Variants in TRPM4 observed in about 807,000 individuals in gnomAD.
The protein encoded by TRPM4 is transient receptor potential cation channel subfamily M member 4.
TRPM4 carries 124 observed loss-of-function variants against 135.6 expected under a neutral mutation model. The observed-to-expected ratio is 0.91, with a 90% CI of 0.79 to 1.06. TRPM4 has a LOEUF of 1.06. TRPM4 is among the 50% of genes least tolerant of loss of function. The pLI is 0.00. For synonymous variants in TRPM4, 745 were observed against 705.6 expected (o/e 1.06, Z -0.88); for missense variants, 1,658 against 1,671.4 (o/e 0.99, Z 0.14).
chr19:49,162,734 G>A (rs1199832719), intron 2 of TRPM4, among the ~76,000 whole-genome samples: 1 of 152,078 alleles, frequency 6.6e-6, no homozygotes, highest in Non-Finnish European at 1.5e-5. Flanking sequence ...GGGCTACTGG[G>A]CACTTGGAAT....
rs141531245 is a variant in TRPM4, at chr19:49,172,077, C to A, written c.1119C>A (p.Phe373Leu). The change falls in exon 9 of 25, where the codon TTC becomes TTA. Residue 373 changes from phenylalanine (F) to leucine (L), a missense_variant. This residue lies in a region of TRPM4 where 1,412 missense variants were observed against 1,408.7 expected (regional missense o/e 1.00). Coordinates refer to ENST00000252826, the MANE Select transcript of TRPM4 (RefSeq NM_017636.4). The part of the protein sequence containing the change: ...VYSSEDGSEE[F>L]ETIVLKALVK... The stretch of plus-strand genomic sequence containing the variant: ...CTTCTGAGGATGGGTCTGAGGAATT[C>A]GAGACCATAGTTTTGAAGGCCCTTG... 4.7e-5 allele frequency: 76 copies of A among 1,613,796 alleles called. No individual in the cohort carries two copies. The African/African-American group carries it at 9.9e-4, about 21-fold the overall frequency.
At chr19:49,206,675 G>A (rs1057085187) in intron 20 of TRPM4, among the ~76,000 whole-genome samples, 1 of 152,112 alleles carries the variant, frequency 6.6e-6, no homozygotes, top group Non-Finnish European at 1.5e-5. Flanking sequence ...CCGACCTCAG[G>A]TGATCCACCC....
In TRPM4 at chr19:49,157,842, A is replaced by G; in HGVS notation, c.-25A>G. The G allele has an allele frequency of 6.5e-7, 1 of 1,534,532 alleles. No homozygotes were observed. The highest frequency in any genetic ancestry group is 8.7e-7 in the Non-Finnish European group (1 of 1,146,168). ...AGGGAGCGCCGGGGCCCTGGGCTGCAGGAGGTTGCGGCGGCCGCGGCAGCA... is the reference window on the plus strand; with the variant it reads ...AGGGAGCGCCGGGGCCCTGGGCTGCGGGAGGTTGCGGCGGCCGCGGCAGCA... On this transcript the variant is annotated 5_prime_UTR_variant, in exon 1 of 25. Transcript: ENST00000252826.
At position 49,196,775 on chromosome 19, in the gene TRPM4, A is replaced by C. The variant is rs572920924; in HGVS notation, c.2546A>C (p.His849Pro). 1.1e-5 allele frequency: 17 copies of C among 1,566,494 alleles called. No homozygotes were observed. Among genetic ancestry groups the C allele is most frequent in the Non-Finnish European group, 1.5e-5 (17 of 1,163,926 alleles). Residue 849 changes from histidine (H) to proline (P), a missense_variant, in exon 17 of 25, where the codon CAT becomes CCT. Physicochemically the swap from His to Pro is moderately conservative, Grantham distance 77. Transcript: ENST00000252826. The stretch of plus-strand genomic sequence containing the variant: ...GCCAGCGGGGGCCCCGGGCCTGGCC[A>C]TGCCTCACTGAGCCAGCGCCTGCGC... Reference protein sequence around the residue: ...SLASGGPGPGHASLSQRLRLY... With the variant: ...SLASGGPGPGPASLSQRLRLY...
At chr19:49,165,949 C>T in intron 2 of TRPM4, 92 bp from the exon 3 acceptor site, 4 of 1,322,120 alleles carry the variant, frequency 3.0e-6, no homozygotes, top group Non-Finnish European at 3.1e-6. Flanking sequence ...GACTCAGTGT[C>T]GACAGCCCCC....
intron 12 of TRPM4, among the ~76,000 whole-genome samples, chr19:49,186,047 A>G (rs1177823): frequency 0.87 from 132,270 of 152,192 alleles, 58,026 homozygotes; most frequent in African/African-American, 0.95. Context: ...CACCGCGCCC[A>G]CCCTGTTTAG....
chr19:49,162,403 G>A (rs934314631), intron 2 of TRPM4, among the ~76,000 whole-genome samples: 2 of 152,074 alleles, frequency 1.3e-5, no homozygotes, highest in Non-Finnish European at 2.9e-5. Context: ...GCCAGGTACT[G>A]TGGCACATGC....
chr19:49,196,391 C>T, intron 16 of TRPM4, 49 bp from the exon 17 acceptor site: 1 of 1,473,622 alleles, frequency 6.8e-7, no homozygotes, highest in South Asian at 1.4e-5. Flanking sequence ...GAGATCAGGA[C>T]TCAGAGGTCA....
chr19:49,176,719 C>T (rs184882467), intron 9 of TRPM4, among the ~76,000 whole-genome samples: 3 of 152,224 alleles, frequency 2.0e-5, no homozygotes, highest in Admixed American at 6.5e-5. Flanking sequence ...GGCGTGGTGG[C>T]GGGTGCCTGT....
At chr19:49,186,879 A>G (rs535736978) in intron 12 of TRPM4, among the ~76,000 whole-genome samples, 49 of 148,238 alleles carry the variant, frequency 3.3e-4, no homozygotes, top group African/African-American at 1.3e-3. Context: ...GTCTCAAAAA[A>G]AAAAAAAAAG....
In TRPM4 at chr19:49,193,837, C is replaced by G. The variant is rs1194769765; in HGVS notation, c.2211-2603C>G. On this transcript the variant is annotated intron_variant, in intron 16 of 24. Coordinates refer to ENST00000252826, the MANE Select transcript of TRPM4 (RefSeq NM_017636.4). ...GAGTTCTTAGTTTCTGTAGCTTTCACTATTCTCCTCCTTCTCCTCCTCCTT... is the reference window on the plus strand; with the variant it reads ...GAGTTCTTAGTTTCTGTAGCTTTCAGTATTCTCCTCCTTCTCCTCCTCCTT... Among the ~76,000 whole-genome samples the G allele has an allele frequency of 2.6e-5, 4 of 152,184 alleles. No homozygotes were observed. In the East Asian group the frequency reaches 5.8e-4, roughly 22 times the overall value.
At chr19:49,185,434 T>A (rs568550908) in intron 12 of TRPM4, among the ~76,000 whole-genome samples, 1 of 152,150 alleles carries the variant, frequency 6.6e-6, no homozygotes, top group South Asian at 2.1e-4. Context: ...AGAGATGGGG[T>A]CTTACTATGT....
rs775287212 is a variant in TRPM4, at chr19:49,166,267, G to C, written c.267+52G>C. ...CCGGGCACCAGGGGGCTGCATGCTC[G>C]GGGCTCCAGAGTGGAGCCGGGACGC... is the stretch of plus-strand genomic sequence containing the variant. On this transcript the variant is annotated intron_variant, in intron 3 of 24. Coordinates refer to ENST00000252826, the MANE Select transcript of TRPM4 (RefSeq NM_017636.4). 30 of 1,531,460 alleles carry C rather than the reference G, an allele frequency of 2.0e-5. No homozygotes were observed. The East Asian group carries it at 6.2e-4, about 32-fold the overall frequency. The allele number at this position is 1,531,460 out of a possible 1,614,324, so 94.9% of individuals were successfully genotyped here.
intron 2 of TRPM4, among the ~76,000 whole-genome samples, chr19:49,162,448 A>G (rs774760312): frequency 7.2e-5 from 11 of 152,138 alleles, no homozygotes; most frequent in Non-Finnish European, 1.5e-4. Flanking sequence ...CTGAGGCACG[A>G]GAGTCGCTTG....
intron 20 of TRPM4, among the ~76,000 whole-genome samples, chr19:49,204,794 T>A (rs999653979): frequency 6.6e-6 from 1 of 151,532 alleles, no homozygotes; most frequent in Non-Finnish European, 1.5e-5. Context: ...CTCCTGACCT[T>A]GTGATCCACC....
At position 49,211,052 on chromosome 19, in the gene TRPM4, G is replaced by A. The variant is rs1262594472; in HGVS notation, c.3499G>A (p.Glu1167Lys). 3 of 1,614,038 alleles carry A rather than the reference G, an allele frequency of 1.9e-6. No individual in the cohort carries two copies. The highest frequency in any genetic ancestry group is 4.5e-5 in the East Asian group (2 of 44,886). The stretch of plus-strand genomic sequence containing the variant: ...ACTGAAACAGCTGGGACACATCCGC[G>A]AGTACGAACAGCGCCTGAAAGTGCT... ...LALKQLGHIR[E>K]YEQRLKVLER... The change falls in exon 23 of 25, where the codon GAG becomes AAG. Residue 1167 changes from glutamate to lysine, a missense_variant. Physicochemically the swap from Glu to Lys is moderately conservative, Grantham distance 56. This residue lies in a region of TRPM4 where 1,412 missense variants were observed against 1,408.7 expected (regional missense o/e 1.00). Transcript: ENST00000252826. This position sits in a 1 kb window ranked among gnomAD's most constrained non-coding sequence, Gnocchi z 4.8.
chr19:49,170,893 G>A (rs1477324016), intron 6 of TRPM4, among the ~76,000 whole-genome samples: 1 of 151,806 alleles, frequency 6.6e-6, no homozygotes, highest in Non-Finnish European at 1.5e-5. Flanking sequence ...ACCAGCCTGG[G>A]CAAGATGGCA....
intron 9 of TRPM4, among the ~76,000 whole-genome samples, chr19:49,176,635 T>C (rs975711992): frequency 6.6e-6 from 1 of 152,136 alleles, no homozygotes; most frequent in African/African-American, 2.4e-5. Context: ...TAGGATCACT[T>C]GAGGTCAGGA....
intron 16 of TRPM4, among the ~76,000 whole-genome samples, chr19:49,193,531 T>C (rs1030966300): frequency 9.9e-5 from 15 of 152,136 alleles, no homozygotes; most frequent in African/African-American, 3.1e-4. Context: ...CAGATCCTCT[T>C]GTACCTGAGT....
Sources: allele counts gnomAD v4.1 joint callset (sites outside exome capture counted in the v4.1 genomes callset), GRCh38; gene constraint gnomAD v4.1.1; regional missense constraint gnomAD v4.1.1; non-coding constraint Gnocchi (gnomAD v3.1); transcripts MANE v1.5; gene names NCBI Gene and HGNC (gene_info 2026-07-23, HGNC 2026-07-21).